Variants in BAZ2B observed in about 807,000 individuals in gnomAD.
BAZ2B encodes the protein bromodomain adjacent to zinc finger domain protein 2B.
In BAZ2B, 91 loss-of-function variants were observed where a neutral mutation model predicts 246.0. The observed-to-expected ratio is 0.37, with a 90% CI of 0.31 to 0.44. The LOEUF (loss-of-function observed/expected upper bound fraction) is 0.44. Ranked by LOEUF, BAZ2B falls within the 20% of genes least tolerant of loss-of-function variation. The pLI, the probability that BAZ2B is intolerant of heterozygous loss-of-function variation, is 1.00. For synonymous variants in BAZ2B, 855 were observed against 860.0 expected (o/e 0.99, Z 0.10); for missense variants, 2,332 against 2,533.7 (o/e 0.92, Z 1.71).
At chr2:159,643,784 G>A in the BAZ2B span, among the ~76,000 whole-genome samples, 1 of 150,576 alleles carries the variant, frequency 6.6e-6, no homozygotes, top group African/African-American at 2.5e-5. Flanking sequence ...GCTGAAGCAG[G>A]AGAATCGCTT....
At chr2:159,429,563 G>C (rs2070690563) in intron 10 of BAZ2B, among the ~76,000 whole-genome samples, 1 of 152,074 alleles carries the variant, frequency 6.6e-6, no homozygotes, top group Admixed American at 6.6e-5. Context: ...AGAGAAGCAG[G>C]AGAGAAATAG....
At chr2:159,461,057 C>T (rs1442034095) in intron 3 of BAZ2B, 2 of 152,402 alleles carry the variant, frequency 1.3e-5, no homozygotes, top group South Asian at 2.1e-4. Context: ...AATGCATACA[C>T]AGCTCAATGG....
At chr2:159,480,177 A>C (rs2079077545) in intron 2 of BAZ2B, among the ~76,000 whole-genome samples, 1 of 152,076 alleles carries the variant, frequency 6.6e-6, no homozygotes. Flanking sequence ...GTTTAGGAAA[A>C]AGCTATTTTT....
At chr2:159,468,710 A>G (rs778905977) in intron 3 of BAZ2B, among the ~76,000 whole-genome samples, 5 of 152,162 alleles carry the variant, frequency 3.3e-5, no homozygotes, top group Non-Finnish European at 5.9e-5. Context: ...ATATAAGAAA[A>G]GGACAAAGGT....
At position 159,533,160 on chromosome 2, in the gene BAZ2B, T is replaced by A. The variant is rs560084130; in HGVS notation, c.-3+22663A>T. Reference sequence around the variant, plus strand: ...GATAGATCACAGGCACTTTTAAGTTTTGATTATTTGAAGCTAGAGAAAACA... The same window carrying A: ...GATAGATCACAGGCACTTTTAAGTTATGATTATTTGAAGCTAGAGAAAACA... On this transcript the variant is annotated intron_variant, in intron 2 of 36. Coordinates refer to ENST00000392783, the MANE Select transcript of BAZ2B (RefSeq NM_013450.4). Among the ~76,000 whole-genome samples, 5 of 152,316 alleles carry A rather than the reference T, an allele frequency of 3.3e-5. No homozygotes were observed. The East Asian group carries it at 7.7e-4, about 23-fold the overall frequency.
the BAZ2B span, among the ~76,000 whole-genome samples, chr2:159,649,422 G>A: frequency 1.3e-5 from 2 of 152,118 alleles, no homozygotes; most frequent in African/African-American, 4.8e-5. Context: ...TGCTACCACT[G>A]ATCTGACAGG....
In BAZ2B at chr2:159,337,058, G is replaced by A; in HGVS notation, c.5680C>T (p.Pro1894Ser). 2 of 1,613,328 alleles carry A rather than the reference G, an allele frequency of 1.2e-6. No homozygotes were observed. Among genetic ancestry groups the A allele is most frequent in the South Asian group, 2.2e-5 (2 of 91,052 alleles). ...IERRIEEDIA[P>S]GLRVWRRALS... is the part of the protein sequence containing the mutation. ...GCCCTTCTCCATACCCTGAGCCCTGGAGCAATATCCTCTTCAATTCTGCAT... is the reference window on the plus strand; with the variant it reads ...GCCCTTCTCCATACCCTGAGCCCTGAAGCAATATCCTCTTCAATTCTGCAT... The change falls in exon 33 of 37, where the codon CCA becomes TCA. Residue 1894 changes from proline to serine, a missense_variant. By Grantham distance (74) the Pro-to-Ser change is moderately conservative. Transcript: ENST00000392783.
intron 16 of BAZ2B, among the ~76,000 whole-genome samples, chr2:159,401,333 C>T (rs74734494): frequency 6.6e-6 from 1 of 152,124 alleles, no homozygotes; most frequent in Non-Finnish European, 1.5e-5. Context: ...AGAAAACATA[C>T]AGCCAATTCT....
chr2:159,695,131 T>C, the BAZ2B span: 1 of 152,198 alleles, frequency 6.6e-6, no homozygotes, highest in East Asian at 1.9e-4. Flanking sequence ...TTTTTATATC[T>C]TCTTTAGAAA....
chr2:159,661,053 A>G, the BAZ2B span, among the ~76,000 whole-genome samples: 2 of 151,860 alleles, frequency 1.3e-5, no homozygotes, highest in African/African-American at 4.8e-5. Context: ...ATCACTCCAA[A>G]AAGTTTTTTC....
chr2:159,345,037 C>T (rs2067527354), intron 31 of BAZ2B, among the ~76,000 whole-genome samples: 1 of 151,974 alleles, frequency 6.6e-6, no homozygotes, highest in Non-Finnish European at 1.5e-5. Flanking sequence ...TGGAGAAACC[C>T]TGTCTCTACT....
chr2:159,602,327 C>T (rs1048926771), intron 1 of BAZ2B, among the ~76,000 whole-genome samples: 2 of 152,102 alleles, frequency 1.3e-5, no homozygotes, highest in Middle Eastern at 3.2e-3. Flanking sequence ...GATAACCTAG[C>T]ATTGGTATGC....
At chr2:159,604,045 A>T (rs1328276506) in intron 1 of BAZ2B, among the ~76,000 whole-genome samples, 1 of 150,114 alleles carries the variant, frequency 6.7e-6, no homozygotes, top group East Asian at 2.0e-4. Context: ...AAAAACTTTT[A>T]TTAATATTTT....
chr2:159,660,128 T>C, the BAZ2B span, among the ~76,000 whole-genome samples: 1 of 152,184 alleles, frequency 6.6e-6, no homozygotes, highest in Non-Finnish European at 1.5e-5. Flanking sequence ...TTTCTCCCCA[T>C]AGTATTTGGT....
intron 2 of BAZ2B, among the ~76,000 whole-genome samples, chr2:159,525,982 C>T (rs1277771526): frequency 6.6e-6 from 1 of 151,990 alleles, no homozygotes; most frequent in Admixed American, 6.6e-5. Context: ...AAGGATATTG[C>T]AATAGTTGGT....
At chr2:159,382,920 A>AAC in intron 24 of BAZ2B, 118 bp from the exon 25 acceptor site, 1 of 1,322,104 alleles carries the variant, frequency 7.6e-7, no homozygotes. Flanking sequence ...GTGTTAAGCG[A>AAC]TATACCAATG....
At chr2:159,520,139 G>A (rs185411184) in intron 2 of BAZ2B, among the ~76,000 whole-genome samples, 2 of 152,170 alleles carry the variant, frequency 1.3e-5, no homozygotes, top group East Asian at 3.9e-4. Context: ...GATGTCAAAC[G>A]ACATGCTACC....
At chr2:159,338,483 C>A (rs980572294) in intron 31 of BAZ2B, among the ~76,000 whole-genome samples, 1 of 152,176 alleles carries the variant, frequency 6.6e-6, no homozygotes, top group African/African-American at 2.4e-5. Flanking sequence ...TGCTTTTACT[C>A]ATTTATCTCC....
intron 34 of BAZ2B, among the ~76,000 whole-genome samples, chr2:159,329,148 A>G (rs988444695): frequency 2.0e-5 from 3 of 151,728 alleles, no homozygotes; most frequent in Admixed American, 6.6e-5. Flanking sequence ...AAAAAAAAAA[A>G]AAAAAGAAAA....
Sources: gnomAD v4.1 joint callset for allele counts (sites outside exome capture counted in the v4.1 genomes callset) on GRCh38, gnomAD v4.1.1 for gene constraint, MANE v1.5 for transcripts, NCBI Gene and HGNC (gene_info 2026-07-23, HGNC 2026-07-21) for gene names.